IL17RC: variants seen among roughly 807,000 people sequenced by gnomAD.
IL17RC encodes interleukin 17 receptor C.
A neutral mutation model predicts 86.7 loss-of-function variants in IL17RC; 53 were observed. The observed-to-expected ratio is 0.61, with a 90% confidence interval of 0.49 to 0.77. The LOEUF (loss-of-function observed/expected upper bound fraction) is 0.77. IL17RC is among the 30% of genes least tolerant of loss of function. IL17RC has a pLI of 0.00. For missense variants in IL17RC, 957 were observed against 940.0 expected (o/e 1.02, Z -0.24); for synonymous variants, 439 against 413.1 (o/e 1.06, Z -0.76).
intron 5 of IL17RC, 133 bp from the exon 6 acceptor site, chr3:9,920,358 T>A (rs1322474118): frequency 1.6e-6 from 1 of 622,854 alleles, no homozygotes; most frequent in Non-Finnish European, 2.9e-6. Context: ...GATTTCAGGC[T>A]ATACAGTATA....
chr3:9,933,228 C>T lies in IL17RC; in HGVS notation c.1798C>T (p.Pro600Ser), dbSNP rs1322440366. 2 of 1,606,742 alleles carry T rather than the reference C, an allele frequency of 1.2e-6. No homozygotes were observed. The highest frequency in any genetic ancestry group is 1.7e-6 in the Non-Finnish European group (2 of 1,177,178). Residue 600 changes from proline to serine, a missense_variant, in exon 19 of 19, where the codon CCC becomes TCC. Coordinates refer to ENST00000403601, the MANE Select transcript of IL17RC (RefSeq NM_153460.4). Reference protein sequence around the residue: ...SEWLQDGVSGPGAHGPHDAFR... With the variant: ...SEWLQDGVSGSGAHGPHDAFR... ...GTGGCTACAGGATGGGGTGTCCGGG[C>T]CCGGGGCGCACGGCCCGCACGACGC...
intron 3 of IL17RC, 24 bp from the exon 4 acceptor site, chr3:9,918,311 G>A (rs1460471214): frequency 6.4e-7 from 1 of 1,559,236 alleles, no homozygotes; most frequent in Non-Finnish European, 8.7e-7. Context: ...CCTCACCCAG[G>A]GCCTTGCTCT....
Position 9,932,861 on chromosome 3 carries a change from G to C in IL17RC, c.1522+3G>C. 6 of 1,575,700 alleles carry C rather than the reference G, an allele frequency of 3.8e-6. No individual in the cohort carries two copies. Among genetic ancestry groups the C allele is most frequent in the Non-Finnish European group, 5.1e-6 (6 of 1,165,148 alleles). On this transcript the variant is annotated splice_donor_region_variant and intron_variant, in intron 18 of 18. Transcript: ENST00000403601. ...GAAACAGGACGTCCGCTCGGGGGGT[G>C]AGTGGGAGCAAGCGCTGGGCGGAGG...
At chr3:9,926,322 G>A (rs2084069711) in intron 9 of IL17RC, among the ~76,000 whole-genome samples, 1 of 152,126 alleles carries the variant, frequency 6.6e-6, no homozygotes, top group Admixed American at 6.6e-5. Flanking sequence ...GTGAGCCACT[G>A]TGCCCAGCCT....
chr3:9,927,197 G>C (rs533563900), intron 9 of IL17RC, among the ~76,000 whole-genome samples: 1 of 152,040 alleles, frequency 6.6e-6, no homozygotes, highest in Non-Finnish European at 1.5e-5. Context: ...AAATGAATGT[G>C]TCCTTAGAAC....
At position 9,918,421 on chromosome 3, in the gene IL17RC, C is replaced by T. The variant is rs745939239; in HGVS notation, c.355+12C>T. On this transcript the variant is annotated intron_variant, in intron 4 of 18. Coordinates refer to ENST00000403601, the MANE Select transcript of IL17RC (RefSeq NM_153460.4). ...GGAGCCTAGGAATGGTGAGGAGAAC[C>T]TGGCTGGCCCAACTGCCCCATGCCA... 6.2e-7 allele frequency: 1 copy of T among 1,612,930 alleles called. No homozygotes were observed. The highest frequency in any genetic ancestry group is 1.7e-5 in the Admixed American group (1 of 59,872).
At chr3:9,923,706 C>T (rs2083790184) in intron 7 of IL17RC, among the ~76,000 whole-genome samples, 175 bp from the exon 8 acceptor site, 1 of 152,110 alleles carries the variant, frequency 6.6e-6, no homozygotes, top group African/African-American at 2.4e-5. Context: ...AGGGTCTCCA[C>T]GGGCTTGGCT....
At chr3:9,929,792 T>C (rs756781646) in intron 12 of IL17RC, 60 bp from the exon 13 acceptor site, 3 of 1,596,892 alleles carry the variant, frequency 1.9e-6, no homozygotes, top group Middle Eastern at 1.7e-4. Flanking sequence ...CCCATTCTGG[T>C]CTTTCTGCCT....
rs528898965 is a variant in IL17RC, at chr3:9,923,192, A to G, written c.623-689A>G. On this transcript the variant is annotated intron_variant, in intron 7 of 18. Transcript: ENST00000403601. ...ACTCCATCTCAAAAAAAAAAAAAGG[A>G]AAAAAAAAAGAGAGAGAAACAGTAA... Among the ~76,000 whole-genome samples the G allele has an allele frequency of 2.2e-3, 299 of 138,944 alleles. 4 individuals are homozygous for G. The South Asian group carries it at 0.035, about 16-fold the overall frequency. 91.2% of individuals were successfully genotyped at this position (138,944 alleles called of 152,430 possible). A position where few individuals can be genotyped will look rare whatever the true frequency, so the allele number is the denominator to read the frequency against.
rs181990653 is a variant in IL17RC at position 9,933,242 on chromosome 3, C to T, written c.1812C>T (p.Gly604=). 11 of 1,605,174 alleles carry T rather than the reference C, an allele frequency of 6.9e-6. No homozygotes were observed. The highest frequency in any genetic ancestry group is 7.6e-6 in the Non-Finnish European group (9 of 1,176,490). Residue 604 remains glycine (G), a synonymous_variant, in exon 19 of 19, where the codon GGC becomes GGT. Transcript: ENST00000403601. ...QDGVSGPGAH[G]PHDAFRASLS... ...GGGTGTCCGGGCCCGGGGCGCACGG[C>T]CCGCACGACGCCTTCCGCGCCTCGC...
intron 7 of IL17RC, among the ~76,000 whole-genome samples, 197 bp from the exon 8 acceptor site, chr3:9,923,684 C>T (rs751810477): frequency 2.0e-5 from 3 of 152,074 alleles, no homozygotes; most frequent in African/African-American, 2.4e-5. Flanking sequence ...AGCTCTTCTC[C>T]GACCACACAC....
In IL17RC at chr3:9,924,243, G is replaced by A. The variant is rs115505677; in HGVS notation, c.774G>A (p.Gln258=). 15 of 1,613,942 alleles carry A rather than the reference G, an allele frequency of 9.3e-6. No individual in the cohort carries two copies. The highest frequency in any genetic ancestry group is 1.2e-5 in the Non-Finnish European group (14 of 1,180,012). The change falls in exon 9 of 19, where the codon CAG becomes CAA. Residue 258 remains glutamine (Q), a synonymous_variant. Coordinates refer to ENST00000403601, the MANE Select transcript of IL17RC (RefSeq NM_153460.4). The part of the protein sequence containing the change: ...PRWHKNLTGP[Q]IITLNHTDLV... The stretch of plus-strand genomic sequence containing the variant: ...TATTTGTTCCACAGACTGGACCGCA[G>A]ATCATTACCTTGAACCACACAGACC...
At position 9,917,373 on chromosome 3, in the gene IL17RC, T is replaced by G; in HGVS notation, c.58T>G (p.Ser20Ala). The change falls in exon 1 of 19, where the codon TCT becomes GCT. Residue 20 changes from serine (S) to alanine (A), a missense_variant. Physicochemically the swap from Ser to Ala is moderately conservative, Grantham distance 99. Coordinates refer to ENST00000403601, the MANE Select transcript of IL17RC (RefSeq NM_153460.4). ...LALGRSPVVL[S>A]LERLVGPQDA... Reference sequence around the variant, plus strand: ...ACTGGGCCGAAGCCCAGTGGTCCTTTCTCTGGAGAGGCTTGTGGGGCCTCA... The same window carrying G: ...ACTGGGCCGAAGCCCAGTGGTCCTTGCTCTGGAGAGGCTTGTGGGGCCTCA... 6.2e-7 allele frequency: 1 copy of G among 1,614,134 alleles called. No individual in the cohort carries two copies. Among genetic ancestry groups the G allele is most frequent in the Non-Finnish European group, 8.5e-7 (1 of 1,179,994 alleles).
chr3:9,924,558 C>T (rs1030310945), intron 9 of IL17RC, among the ~76,000 whole-genome samples: 1 of 152,156 alleles, frequency 6.6e-6, no homozygotes, highest in African/African-American at 2.4e-5. Context: ...AAACCTTTCC[C>T]TACTCCTCCA....
rs753085510 is a variant in IL17RC at position 9,933,496 on chromosome 3, A to T, written c.2066A>T (p.Gln689Leu). The change falls in exon 19 of 19, where the codon CAG becomes CTG. Residue 689 changes from glutamine (Q) to leucine (L), a missense_variant. Transcript: ENST00000403601. ...GCGGAGCAAGTGTCCCGGGCCCTTC[A>T]GCCAGCCCTGGATAGCTACTTCCAT... is the stretch of plus-strand genomic sequence containing the variant. Reference protein sequence around the residue: ...ERAEQVSRALQPALDSYFHPP... With the variant: ...ERAEQVSRALLPALDSYFHPP... The T allele has an allele frequency of 6.2e-7, 1 of 1,611,694 alleles. No homozygotes were observed. The highest frequency in any genetic ancestry group is 2.2e-5 in the East Asian group (1 of 44,814).
intron 10 of IL17RC, 27 bp downstream of exon 10, chr3:9,928,247 TTG>T (rs1215103093): frequency 1.9e-6 from 3 of 1,561,664 alleles, no homozygotes; most frequent in Admixed American, 3.6e-5. Context: ...GGGGCTGGGG[TTG>T]GGGTGTTGCG....
At chr3:9,929,762 A>G (rs1253251559) in intron 12 of IL17RC, 90 bp from the exon 13 acceptor site, 1 of 1,414,710 alleles carries the variant, frequency 7.1e-7, no homozygotes, top group East Asian at 2.3e-5. Context: ...TCCCAACCCA[A>G]CAGGCCTTCT....
At chr3:9,923,615 A>C (rs1311890375) in intron 7 of IL17RC, among the ~76,000 whole-genome samples, 1 of 152,082 alleles carries the variant, frequency 6.6e-6, no homozygotes, top group Non-Finnish European at 1.5e-5. Context: ...GAACAGAGGA[A>C]AATGACTTGT....
chr3:9,930,000 G>C (rs780996378), intron 13 of IL17RC, 28 bp from the exon 14 acceptor site: 10 of 1,613,840 alleles, frequency 6.2e-6, no homozygotes, highest in Non-Finnish European at 8.5e-6. Flanking sequence ...GATGGGTCTT[G>C]GTCAGAGTGG....
Sources: allele counts gnomAD v4.1 joint callset (sites outside exome capture counted in the v4.1 genomes callset), GRCh38; gene constraint gnomAD v4.1.1; transcripts MANE v1.5; gene names NCBI Gene and HGNC (gene_info 2026-07-23, HGNC 2026-07-21).